The following SLC6A6 variants were observed in gnomAD, a reference collection of about 807,000 sequenced individuals.
SLC6A6 encodes the protein sodium- and chloride-dependent taurine transporter.
SLC6A6 carries 16 observed loss-of-function variants against 68.8 expected under a neutral mutation model. That is an observed-to-expected ratio of 0.23 (90% CI 0.16 to 0.35). The LOEUF (loss-of-function observed/expected upper bound fraction) is 0.35. SLC6A6 is among the 10% of genes least tolerant of loss of function. SLC6A6 has a pLI of 1.00. For synonymous variants in SLC6A6, 312 were observed against 315.4 expected (o/e 0.99, Z 0.12); for missense variants, 474 against 802.8 (o/e 0.59, Z 4.95).
Position 14,447,800 on chromosome 3 carries a change from G to C in SLC6A6, c.583G>C (p.Val195Leu). The change falls in exon 5 of 15, where the codon GTC becomes CTC. Residue 195 changes from valine (V) to leucine (L), a missense_variant. Val to Leu is a conservative substitution (Grantham distance 32). Coordinates refer to ENST00000622186, the MANE Select transcript of SLC6A6 (RefSeq NM_003043.6). ...CAGCTCCACCAACTTCACCTCCCCT[G>C]TCATCGAGTTCTGGGAGTAAGGCCA... ...TISSTNFTSP[V>L]IEFWERNVLS... is the part of the protein sequence containing the mutation. The C allele has an allele frequency of 1.2e-6, 2 of 1,614,214 alleles. No individual in the cohort carries two copies. The highest frequency in any genetic ancestry group is 1.7e-6 in the Non-Finnish European group (2 of 1,180,052).
At chr3:14,433,581 C>G (rs1391835409) in intron 2 of SLC6A6, among the ~76,000 whole-genome samples, 2 of 152,082 alleles carry the variant, frequency 1.3e-5, no homozygotes, top group African/African-American at 2.4e-5. Flanking sequence ...GCAGGTGGAT[C>G]ACTTGAGGTC....
intron 1 of SLC6A6, among the ~76,000 whole-genome samples, chr3:14,409,041 C>G (rs1699175945): frequency 6.6e-6 from 1 of 152,220 alleles, no homozygotes; most frequent in Non-Finnish European, 1.5e-5. Flanking sequence ...ATCTCCTGAC[C>G]TGGTGATCTG....
intron 2 of SLC6A6, among the ~76,000 whole-genome samples, chr3:14,440,811 A>G (rs1168905035): frequency 1.3e-5 from 2 of 152,066 alleles, no homozygotes; most frequent in African/African-American, 2.4e-5. Context: ...TCTTCAAGGC[A>G]GGTGGACCTG....
Position 14,402,904 on chromosome 3 carries a change from C to T in SLC6A6, c.-54+57C>T. ...CCGGCGCTGCCCGCCGTCTGCAGCC[C>T]CTCCCCATCCCCGCGTCGCCGCAGT... On this transcript the variant is annotated intron_variant, in intron 1 of 14. Transcript: ENST00000622186. This position sits in a 1 kb window ranked among gnomAD's most constrained non-coding sequence, Gnocchi z 4.8. The T allele has an allele frequency of 2.6e-6, 1 of 389,152 alleles. No individual in the cohort carries two copies. Among genetic ancestry groups the T allele is most frequent in the Non-Finnish European group, 4.5e-6 (1 of 219,884 alleles). The allele number at this position is 389,152 out of a possible 1,614,324, so 24.1% of individuals were successfully genotyped here. A position where few individuals can be genotyped will look rare whatever the true frequency, so the allele number is the denominator to read the frequency against.
intron 14 of SLC6A6, among the ~76,000 whole-genome samples, chr3:14,482,844 A>G (rs1242297233): frequency 6.6e-6 from 1 of 152,132 alleles, no homozygotes; most frequent in East Asian, 1.9e-4. Context: ...AAATGGCCCT[A>G]TGAGCTGTTA....
At chr3:14,403,373 G>A (rs1264277222) in intron 1 of SLC6A6, among the ~76,000 whole-genome samples, 3 of 152,132 alleles carry the variant, frequency 2.0e-5, no homozygotes, top group African/African-American at 4.8e-5. Context: ...CTGTGTGTGG[G>A]GGGCTGCGTC....
chr3:14,468,174 A>G lies in SLC6A6; in HGVS notation c.1058A>G (p.Gln353Arg). 6.2e-7 allele frequency: 1 copy of G among 1,614,132 alleles called. No individual in the cohort carries two copies. The highest frequency in any genetic ancestry group is 8.5e-7 in the Non-Finnish European group (1 of 1,180,024). ...AIFSILGFMA[Q>R]EQGVDIADVA... ...TTTTCCATCCTGGGCTTCATGGCAC[A>G]AGAGCAAGGGGTGGACATTGCTGAT... is the stretch of plus-strand genomic sequence containing the variant. The change falls in exon 9 of 15, where the codon CAA (glutamine) becomes CGA (arginine). Residue 353 changes from glutamine (Q) to arginine (R), a missense_variant. Gln to Arg is a conservative substitution (Grantham distance 43, BLOSUM62 1). Coordinates refer to ENST00000622186, the MANE Select transcript of SLC6A6 (RefSeq NM_003043.6). The surrounding 1 kb of genome is among the most constrained non-coding windows in gnomAD (Gnocchi z 4.5).
In SLC6A6 at chr3:14,467,843, C is replaced by T; in HGVS notation, c.868-10C>T. 1 of 1,573,886 alleles carries T rather than the reference C, an allele frequency of 6.4e-7. No individual in the cohort carries two copies. Among genetic ancestry groups the T allele is most frequent in the Non-Finnish European group, 8.7e-7 (1 of 1,149,590 alleles). Reference sequence around the variant, plus strand: ...CCTCTCTTTCCTTGCCACCTCCCTCCCCCTCATAGGTGTGGATTGACGCTG... The same window carrying T: ...CCTCTCTTTCCTTGCCACCTCCCTCTCCCTCATAGGTGTGGATTGACGCTG... On this transcript the variant is annotated splice_polypyrimidine_tract_variant and intron_variant, in intron 7 of 14. Transcript: ENST00000622186.
At chr3:14,464,508 G>C (rs566694986) in intron 6 of SLC6A6, among the ~76,000 whole-genome samples, 82 of 152,322 alleles carry the variant, frequency 5.4e-4, no homozygotes, top group African/African-American at 1.8e-3. Context: ...CGCTGCCTAG[G>C]GGTTGTTGGG....
At chr3:14,412,921 C>T (rs1423809280) in intron 1 of SLC6A6, among the ~76,000 whole-genome samples, 4 of 152,198 alleles carry the variant, frequency 2.6e-5, no homozygotes, top group East Asian at 3.9e-4. Flanking sequence ...GGGAGCCTGC[C>T]GGCATTCGTG....
At chr3:14,410,017 T>C (rs1699209082) in intron 1 of SLC6A6, among the ~76,000 whole-genome samples, 1 of 151,916 alleles carries the variant, frequency 6.6e-6, no homozygotes, top group Non-Finnish European at 1.5e-5. Context: ...GAAACCCCAT[T>C]TCTACTAAAA....
chr3:14,466,875 A>T (rs1343000084), intron 7 of SLC6A6, among the ~76,000 whole-genome samples: 1 of 152,006 alleles, frequency 6.6e-6, no homozygotes, highest in Non-Finnish European at 1.5e-5. Context: ...TTTTCATGTC[A>T]AGGACGTCTG....
Position 14,481,986 on chromosome 3 carries a change from C to T in SLC6A6, c.1722+145C>T. 1.5e-6 allele frequency: 1 copy of T among 652,022 alleles called. No individual in the cohort carries two copies. The highest frequency in any genetic ancestry group is 1.9e-5 in the South Asian group (1 of 52,080). The allele number at this position is 652,022 out of a possible 1,614,324, so 40.4% of individuals were successfully genotyped here. The stretch of plus-strand genomic sequence containing the variant: ...CCCATCCAGTGGTTCAGCTTATGGG[C>T]AGCAGAGTGCATTGTGGGAAGACGG... On this transcript the variant is annotated intron_variant, in intron 14 of 14. Transcript: ENST00000622186. The surrounding 1 kb of genome is among the most constrained non-coding windows in gnomAD (Gnocchi z 4.7).
Position 14,481,701 on chromosome 3 carries a change from G to C in SLC6A6, c.1582G>C (p.Val528Leu). The change falls in exon 14 of 15, where the codon GTA (valine) becomes CTA (leucine). Residue 528 changes from valine (V) to leucine (L), a missense_variant. By Grantham distance (32) the Val-to-Leu change is conservative. Coordinates refer to ENST00000622186, the MANE Select transcript of SLC6A6 (RefSeq NM_003043.6). This position sits in a 1 kb window ranked among gnomAD's most constrained non-coding sequence, Gnocchi z 4.7. ...GCFIFSLVKY[V>L]PLTYNKTYVY... ...TTTCATCTTCTCGCTCGTCAAGTACGTACCCCTGACCTACAACAAAACATA... is the reference window on the plus strand; with the variant it reads ...TTTCATCTTCTCGCTCGTCAAGTACCTACCCCTGACCTACAACAAAACATA... 2 of 1,613,184 alleles carry C rather than the reference G, an allele frequency of 1.2e-6. No homozygotes were observed. The highest frequency in any genetic ancestry group is 1.7e-6 in the Non-Finnish European group (2 of 1,179,582).
rs542161325 is a variant in SLC6A6, at chr3:14,430,973, C to A, written c.-11-12651C>A. ...ACGTGCCAAGACCTCCAAAGCCCCA[C>A]TGTGAGTCTTTGATTTTGTGTGGGA... On this transcript the variant is annotated intron_variant, in intron 2 of 14. Coordinates refer to ENST00000622186, the MANE Select transcript of SLC6A6 (RefSeq NM_003043.6). 7.2e-5 allele frequency among the ~76,000 whole-genome samples: 11 copies of A among 152,358 alleles called. No homozygotes were observed. The East Asian group carries it at 2.1e-3, about 29-fold the overall frequency.
chr3:14,433,176 A>C (rs1490851830), intron 2 of SLC6A6, among the ~76,000 whole-genome samples: 1 of 152,184 alleles, frequency 6.6e-6, no homozygotes, highest in African/African-American at 2.4e-5. Flanking sequence ...GCAGGTGCTC[A>C]GTCAGCCAGA....
At chr3:14,435,605 G>A (rs2124930619) in intron 2 of SLC6A6, among the ~76,000 whole-genome samples, 1 of 152,328 alleles carries the variant, frequency 6.6e-6, no homozygotes, top group East Asian at 1.9e-4. Context: ...AGCCATCAGG[G>A]CTGTAGGCCA....
chr3:14,458,067 C>G lies in SLC6A6; in HGVS notation c.717C>G (p.Val239=), dbSNP rs968253214. 6.2e-6 allele frequency: 10 copies of G among 1,613,850 alleles called. No homozygotes were observed. Among genetic ancestry groups the G allele is most frequent in the Non-Finnish European group, 8.5e-6 (10 of 1,179,844 alleles). The part of the protein sequence containing the change: ...LVCFFCIWKG[V]RSTGKVVYFT... ...GTTTCTTCTGCATCTGGAAGGGCGT[C>G]AGGTCCACTGGGAAGGTAAGTTGGA... The change falls in exon 6 of 15, where the codon GTC becomes GTG. Residue 239 remains valine, a synonymous_variant. Transcript: ENST00000622186.
At chr3:14,476,921 A>C (rs972090426) in intron 10 of SLC6A6, among the ~76,000 whole-genome samples, 2 of 152,212 alleles carry the variant, frequency 1.3e-5, no homozygotes, top group Non-Finnish European at 2.9e-5. Flanking sequence ...TGGTGGCAGG[A>C]ACAGCCTGAG....
Sources: gnomAD v4.1 joint callset for allele counts (sites outside exome capture counted in the v4.1 genomes callset) on GRCh38, gnomAD v4.1.1 for gene constraint, Gnocchi (gnomAD v3.1) non-coding constraint, MANE v1.5 for transcripts, NCBI Gene and HGNC (gene_info 2026-07-23, HGNC 2026-07-21) for gene names.